The following DACH1 variants were observed in gnomAD, a reference collection of about 807,000 sequenced individuals.
DACH1 encodes the protein dachshund homolog 1.
A neutral mutation model predicts 54.2 loss-of-function variants in DACH1; 12 were observed. That is an observed-to-expected ratio of 0.22 (90% CI 0.14 to 0.36). The LOEUF (loss-of-function observed/expected upper bound fraction) is 0.36, where lower values mean the gene tolerates loss of function less well. Ranked by LOEUF, DACH1 falls within the 10% of genes least tolerant of loss-of-function variation. The pLI is 1.00. For missense variants in DACH1, 805 were observed against 929.8 expected, an observed-to-expected ratio of 0.87 and a Z score of 1.75; for synonymous variants, 386 against 366.2, an observed-to-expected ratio of 1.05 and a Z score of -0.62.
Position 71,866,551 on chromosome 13 carries a change from G to GCCGCCA in DACH1, c.218_219insTGGCGG (p.Gly80_Gly81dup). 1.6e-6 allele frequency: 2 copies of GCCGCCA among 1,254,158 alleles called. No individual in the cohort carries two copies. Among genetic ancestry groups the GCCGCCA allele is most frequent in the African/African-American group, 1.6e-5 (1 of 63,386 alleles). The allele number at this position is 1,254,158 out of a possible 1,614,324, so 77.7% of individuals were successfully genotyped here. A position where few individuals can be genotyped will look rare whatever the true frequency, so the allele number is the denominator to read the frequency against. ...TGCCGCCGCCGCCGCCGCCGCCGCCGGTAGAGGTGACTGTGGCCGCCGCCG... is the reference window on the plus strand; with the variant it reads ...TGCCGCCGCCGCCGCCGCCGCCGCCGCCGCCAGTAGAGGTGACTGTGGCCGCCGCCG... On this transcript the variant is annotated inframe_insertion, in exon 1 of 11. Transcript: ENST00000613252.
chr13:71,767,908 T>A (rs945541300), intron 1 of DACH1, among the ~76,000 whole-genome samples: 1 of 151,932 alleles, frequency 6.6e-6, no homozygotes, highest in African/African-American at 2.4e-5. Flanking sequence ...TAATTAAAAA[T>A]ATTATAAGTA....
chr13:71,636,612 G>T (rs1398462270), intron 2 of DACH1, among the ~76,000 whole-genome samples: 1 of 149,866 alleles, frequency 6.7e-6, no homozygotes, highest in African/African-American at 2.4e-5. Context: ...GATTGAGAAA[G>T]GTTTCTTTAA....
intron 3 of DACH1, among the ~76,000 whole-genome samples, chr13:71,610,360 G>T (rs917555866): frequency 6.6e-6 from 1 of 152,124 alleles, no homozygotes; most frequent in Admixed American, 6.5e-5. Context: ...AGTTACGATG[G>T]TCGTGACTAT....
At chr13:71,853,439 T>C (rs1873801694) in intron 1 of DACH1, among the ~76,000 whole-genome samples, 1 of 152,196 alleles carries the variant, frequency 6.6e-6, no homozygotes, top group Non-Finnish European at 1.5e-5. Flanking sequence ...TTAACCAATT[T>C]CAAGGACAAC....
intron 6 of DACH1, among the ~76,000 whole-genome samples, chr13:71,518,910 G>A (rs547357127): frequency 6.6e-6 from 1 of 151,906 alleles, no homozygotes; most frequent in South Asian, 2.1e-4. Context: ...ATAAAAAGAA[G>A]AATATTTGGT....
At chr13:71,804,865 C>T (rs1594242377) in intron 1 of DACH1, among the ~76,000 whole-genome samples, 1 of 152,130 alleles carries the variant, frequency 6.6e-6, no homozygotes, top group Non-Finnish European at 1.5e-5. Flanking sequence ...TATTTACCTA[C>T]ATATTTATAT....
At chr13:71,745,358 C>T (rs1884560178) in intron 1 of DACH1, among the ~76,000 whole-genome samples, 1 of 152,182 alleles carries the variant, frequency 6.6e-6, no homozygotes, top group Non-Finnish European at 1.5e-5. Flanking sequence ...AGATAATTAT[C>T]ATCCAAACTT....
rs569599012 is a variant in DACH1, at chr13:71,636,413, T to C, written c.965-5696A>G. On this transcript the variant is annotated intron_variant, in intron 2 of 10. Transcript: ENST00000613252. Reference sequence around the variant, plus strand: ...AGATGTTTTTAGGAGGTTGAGATCCTAGGCAGTGAATCCTGTGAGCACAAG... The same window carrying C: ...AGATGTTTTTAGGAGGTTGAGATCCCAGGCAGTGAATCCTGTGAGCACAAG... Among the ~76,000 whole-genome samples the C allele has an allele frequency of 3.3e-5, 5 of 152,188 alleles. No individual in the cohort carries two copies. The South Asian group carries it at 1.0e-3, about 32-fold the overall frequency.
rs544587313 is a variant in DACH1 at position 71,442,578 on chromosome 13, C to G, written c.2084-1886G>C. Among the ~76,000 whole-genome samples the G allele has an allele frequency of 5.7e-4, 87 of 152,154 alleles. No homozygotes were observed. The South Asian group carries it at 0.017, about 31-fold the overall frequency. On this transcript the variant is annotated intron_variant, in intron 10 of 10. Transcript: ENST00000613252. ...ATTTTGCTCATTGAGTATACAGAGT[C>G]CTCCCTTTTGCACAGAGTATACAGT...
chr13:71,675,595 A>C (rs1319764337), intron 2 of DACH1: 2 of 634,594 alleles, frequency 3.2e-6, no homozygotes, highest in Non-Finnish European at 5.5e-6. Flanking sequence ...AAAGGTACCT[A>C]AGTCTATGAT....
intron 2 of DACH1, among the ~76,000 whole-genome samples, chr13:71,656,921 C>CATATATATATATATATATATATATAT (rs71123235): frequency 2.4e-5 from 2 of 83,424 alleles, no homozygotes; most frequent in African/African-American, 4.4e-5. Context: ...GTTCTTCTTT[C>CATATATATATATATATATATATATAT]ATATATATAT....
chr13:71,605,621 G>A (rs1468686562), intron 3 of DACH1, among the ~76,000 whole-genome samples: 1 of 151,844 alleles, frequency 6.6e-6, no homozygotes, highest in African/African-American at 2.4e-5. Flanking sequence ...ATCAAAGAAT[G>A]TTTTCAACAA....
rs147070528 is a variant in DACH1 at position 71,567,986 on chromosome 13, G to A, written c.1299+4854C>T. On this transcript the variant is annotated intron_variant, in intron 4 of 10. Coordinates refer to ENST00000613252, the MANE Select transcript of DACH1 (RefSeq NM_080759.6). ...ATTAATAGAACATTTCAACTTATTA[G>A]GAATTCTCCAATGACAAGAGAAATT... is the stretch of plus-strand genomic sequence containing the variant. Among the ~76,000 whole-genome samples, 429 of 151,984 alleles carry A rather than the reference G, an allele frequency of 2.8e-3. 16 individuals are homozygous for A. In the East Asian group the frequency reaches 0.071, roughly 25 times the overall value.
At chr13:71,492,307 TGAG>T (rs1422647012) in intron 6 of DACH1, among the ~76,000 whole-genome samples, 1 of 152,078 alleles carries the variant, frequency 6.6e-6, no homozygotes, top group Non-Finnish European at 1.5e-5. Context: ...GATCTTGAGA[TGAG>T]GAGATCATTT....
At chr13:71,640,401 T>A (rs1212205086) in intron 2 of DACH1, among the ~76,000 whole-genome samples, 4 of 152,092 alleles carry the variant, frequency 2.6e-5, no homozygotes, top group Non-Finnish European at 4.4e-5. Context: ...TAACCTATAC[T>A]GTATTGGTGA....
At chr13:71,755,968 T>C (rs1357385084) in intron 1 of DACH1, among the ~76,000 whole-genome samples, 1 of 152,114 alleles carries the variant, frequency 6.6e-6, no homozygotes, top group African/African-American at 2.4e-5. Context: ...AATATTAAAG[T>C]AATGGCTAGA....
chr13:71,466,929 T>C lies in DACH1; in HGVS notation c.2083+8212A>G, dbSNP rs373407141. 4.7e-5 allele frequency among the ~76,000 whole-genome samples: 7 copies of C among 149,446 alleles called. No homozygotes were observed. The South Asian group carries it at 8.4e-4, about 18-fold the overall frequency. ...CTAAATTTTCTCTGTCTAATTGAAA[T>C]AACATCACAAAACTTCATGAAATGT... is the stretch of plus-strand genomic sequence containing the variant. On this transcript the variant is annotated intron_variant, in intron 10 of 10. Coordinates refer to ENST00000613252, the MANE Select transcript of DACH1 (RefSeq NM_080759.6).
chr13:71,458,342 T>A (rs1321442545), intron 10 of DACH1, among the ~76,000 whole-genome samples: 1 of 151,878 alleles, frequency 6.6e-6, no homozygotes, highest in African/African-American at 2.4e-5. Context: ...TCTCAAAAGA[T>A]CTAGACTTAC....
intron 1 of DACH1, among the ~76,000 whole-genome samples, chr13:71,823,545 A>G (rs1245815859): frequency 6.6e-6 from 1 of 152,060 alleles, no homozygotes; most frequent in African/African-American, 2.4e-5. Flanking sequence ...GTACTTCTGG[A>G]TGTTAAACCT....
Sources: gnomAD v4.1 joint callset for allele counts (sites outside exome capture counted in the v4.1 genomes callset) on GRCh38, gnomAD v4.1.1 for gene constraint, MANE v1.5 for transcripts, NCBI Gene and HGNC (gene_info 2026-07-23, HGNC 2026-07-21) for gene names.